NHS: variants seen among roughly 807,000 people sequenced by gnomAD.
NHS encodes the protein actin remodeling regulator NHS.
In NHS, 5 loss-of-function variants were observed where a neutral mutation model predicts 72.5. The observed-to-expected ratio is 0.07, with a 90% CI of 0.04 to 0.14. The LOEUF is 0.14. NHS is among the 10% of genes least tolerant of loss of function. The pLI, the probability that NHS is intolerant of heterozygous loss-of-function variation, is 1.00. For missense variants in NHS, 1,072 were observed against 1,355.7 expected (o/e 0.79, Z 3.29); for synonymous variants, 464 against 547.7 (o/e 0.85, Z 2.13).
rs779917512 is a variant in NHS, at chrX:17,726,041, C to T, written c.1935C>T (p.Thr645=). 15 of 1,209,789 alleles carry T rather than the reference C, an allele frequency of 1.2e-5. No individual in the cohort carries two copies. The African/African-American group carries it at 2.6e-4, about 21-fold the overall frequency. ...GCAGCTCCACGTGCCCCTCGCAGAC[C>T]TCAGAAACCATCCCTCCTGCAGCTT... The part of the protein sequence containing the change: ...SGSSSTCPSQ[T]SETIPPAASP... The change falls in exon 7 of 9, where the codon ACC becomes ACT. Residue 645 remains threonine (T), a synonymous_variant. Transcript: ENST00000676302.
At chrX:17,630,139 C>T (rs951455460) in intron 1 of NHS, among the ~76,000 whole-genome samples, 3 of 99,626 alleles carry the variant, frequency 3.0e-5, no homozygotes, top group Admixed American at 1.2e-4. Flanking sequence ...ACTTAGCATG[C>T]GAATGATAAC....
At chrX:17,611,171 T>A (rs1601799787) in intron 1 of NHS, among the ~76,000 whole-genome samples, 1 of 112,627 alleles carries the variant, frequency 8.9e-6, no homozygotes, top group South Asian at 3.6e-4. Flanking sequence ...GACCCCTTGT[T>A]TTGGTTGGTT....
intron 1 of NHS, among the ~76,000 whole-genome samples, chrX:17,442,041 T>C (rs1000305150): frequency 1.8e-5 from 2 of 112,323 alleles, no homozygotes; most frequent in Non-Finnish European, 3.8e-5. Context: ...TTTGCATTAG[T>C]AATAAGCTTC....
chrX:17,492,296 C>A (rs1205051499), intron 1 of NHS, among the ~76,000 whole-genome samples: 2 of 112,312 alleles, frequency 1.8e-5, no homozygotes, highest in African/African-American at 6.5e-5. Context: ...CCTCTAAACA[C>A]TGCTTTAGCT....
Position 17,731,972 on chromosome X carries a change from C to T in NHS, c.4464C>T (p.Ser1488=), listed in dbSNP as rs1461450048. 4.1e-6 allele frequency: 5 copies of T among 1,211,797 alleles called. No homozygotes were observed. The highest frequency in any genetic ancestry group is 5.6e-6 in the Non-Finnish European group (5 of 895,547). The change falls in exon 9 of 9, where the codon AGC becomes AGT. Residue 1488 remains serine, a synonymous_variant. Transcript: ENST00000676302. The part of the protein sequence containing the change: ...SSSASSITSP[S]SNVTTPNSQR... Reference sequence around the variant, plus strand: ...GCGCCAGTTCCATCACTTCACCCAGCAGTAATGTGACAACCCCCAACAGCC... The same window carrying T: ...GCGCCAGTTCCATCACTTCACCCAGTAGTAATGTGACAACCCCCAACAGCC...
chrX:17,644,785 C>T (rs974464423), intron 1 of NHS, among the ~76,000 whole-genome samples: 8 of 111,081 alleles, frequency 7.2e-5, no homozygotes, highest in Non-Finnish European at 1.3e-4. Flanking sequence ...AATAATCTCT[C>T]CTCAATCATT....
intron 1 of NHS, among the ~76,000 whole-genome samples, chrX:17,400,995 A>G (rs1260774932): frequency 8.9e-6 from 1 of 112,499 alleles, no homozygotes; most frequent in African/African-American, 3.2e-5. Flanking sequence ...AACTTATTAC[A>G]AAACTACAGT....
At chrX:17,718,758 A>C (rs1317016570) in intron 3 of NHS, among the ~76,000 whole-genome samples, 1 of 93,663 alleles carries the variant, frequency 1.1e-5, no homozygotes, top group Non-Finnish European at 2.1e-5. Context: ...GGAGGGAAGA[A>C]GGAAGAAAGG....
At chrX:17,616,073 T>G (rs1448411288) in intron 1 of NHS, among the ~76,000 whole-genome samples, 1 of 112,749 alleles carries the variant, frequency 8.9e-6, no homozygotes, top group Non-Finnish European at 1.9e-5. Flanking sequence ...CTGGCCCTAA[T>G]GACAACCTGG....
At chrX:17,673,932 T>A (rs2066064775) in intron 1 of NHS, among the ~76,000 whole-genome samples, 1 of 112,218 alleles carries the variant, frequency 8.9e-6, no homozygotes, top group Admixed American at 9.4e-5. Context: ...AGAGAGCATG[T>A]CTTTTGAACT....
chrX:17,570,008 G>C (rs1376033698), intron 1 of NHS, among the ~76,000 whole-genome samples: 3 of 111,677 alleles, frequency 2.7e-5, no homozygotes, highest in Non-Finnish European at 5.6e-5. Context: ...TGAGGCCTCT[G>C]TTCTGTTCCA....
chrX:17,590,781 T>C (rs1327558508), intron 1 of NHS, among the ~76,000 whole-genome samples: 1 of 111,220 alleles, frequency 9.0e-6, no homozygotes, highest in African/African-American at 3.3e-5. Flanking sequence ...AGAATACAAA[T>C]GGACTCCAAC....
intron 1 of NHS, among the ~76,000 whole-genome samples, chrX:17,668,088 T>TA (rs3077323): frequency 0.019 from 1,226 of 63,610 alleles, 11 homozygotes; most frequent in East Asian, 0.032. Context: ...CCCATCTCTC[T>TA]AAAAAAAAAA....
chrX:17,527,547 C>T (rs745594831), intron 1 of NHS, among the ~76,000 whole-genome samples: 11 of 112,351 alleles, frequency 9.8e-5, no homozygotes, highest in African/African-American at 3.2e-4. Context: ...CCCCTCCTTG[C>T]GTAAACCCCT....
At chrX:17,531,925 C>T (rs1286824163) in intron 1 of NHS, among the ~76,000 whole-genome samples, 3 of 112,291 alleles carry the variant, frequency 2.7e-5, no homozygotes, top group African/African-American at 9.7e-5. Context: ...TTGCCCTATG[C>T]AGTTATATAT....
At chrX:17,680,005 T>C (rs759085471) in intron 1 of NHS, among the ~76,000 whole-genome samples, 1 of 112,188 alleles carries the variant, frequency 8.9e-6, no homozygotes, top group African/African-American at 3.2e-5. Flanking sequence ...AGCCATAGTC[T>C]CCTCAGAGCA....
chrX:17,410,367 G>T (rs1345853677), intron 1 of NHS, among the ~76,000 whole-genome samples: 4 of 110,934 alleles, frequency 3.6e-5, no homozygotes, highest in Non-Finnish European at 7.5e-5. Context: ...AATTAAGCAT[G>T]GCGAGTTGAT....
chrX:17,650,149 C>T (rs369530751), intron 1 of NHS, among the ~76,000 whole-genome samples: 31 of 112,611 alleles, frequency 2.8e-4, no homozygotes, highest in Non-Finnish European at 5.1e-4. Context: ...TTGGGATCCT[C>T]GAGGTCACCC....
chrX:17,710,597 G>C (rs942834243), intron 3 of NHS, among the ~76,000 whole-genome samples: 1 of 111,781 alleles, frequency 8.9e-6, no homozygotes. Context: ...CATAGAGATG[G>C]AGAACAGATT....
Sources: gnomAD v4.1 joint callset for allele counts (sites outside exome capture counted in the v4.1 genomes callset) on GRCh38, gnomAD v4.1.1 for gene constraint, MANE v1.5 for transcripts, NCBI Gene and HGNC (gene_info 2026-07-23, HGNC 2026-07-21) for gene names.